The following WWOX variants were observed in gnomAD, a reference collection of about 807,000 sequenced individuals.
The protein encoded by WWOX is WW domain-containing oxidoreductase.
A neutral mutation model predicts 46.2 loss-of-function variants in WWOX; 69 were observed. That is an observed-to-expected ratio of 1.49 (90% CI 1.23 to 1.82). WWOX has a LOEUF of 1.82. Among genes scored for constraint, WWOX ranks in the 40% most tolerant of loss-of-function variants. The pLI, the probability that WWOX is intolerant of heterozygous loss-of-function variation, is 0.00. For missense variants in WWOX, 919 were observed against 542.6 expected (o/e 1.69, Z -6.89); for synonymous variants, 359 against 202.6 (o/e 1.77, Z -6.56).
intron 8 of WWOX, among the ~76,000 whole-genome samples, chr16:78,812,526 A>C (rs1281269561): frequency 3.3e-5 from 5 of 152,102 alleles, no homozygotes; most frequent in African/African-American, 1.2e-4. Context: ...GTTCGAGACC[A>C]GCCTGGCCAA....
chr16:78,870,463 T>C (rs1252500045), intron 8 of WWOX, among the ~76,000 whole-genome samples: 1 of 152,068 alleles, frequency 6.6e-6, no homozygotes, highest in Admixed American at 6.5e-5. Context: ...TGATACAATG[T>C]CTTGATTCAA....
intron 5 of WWOX, among the ~76,000 whole-genome samples, chr16:78,171,555 A>G (rs2035161674): frequency 6.6e-6 from 1 of 152,092 alleles, no homozygotes. Flanking sequence ...GGAAAAGATG[A>G]TCATTCGTCA....
intron 8 of WWOX, among the ~76,000 whole-genome samples, chr16:79,095,439 G>C (rs77179251): frequency 0.08 from 12,120 of 152,246 alleles, 583 homozygotes; most frequent in Middle Eastern, 0.11. Flanking sequence ...TGGAAGGTCA[G>C]AGAGCCAGGC....
intron 5 of WWOX, among the ~76,000 whole-genome samples, chr16:78,210,765 T>C (rs2036535371): frequency 6.6e-6 from 1 of 152,244 alleles, no homozygotes; most frequent in Admixed American, 6.5e-5. Flanking sequence ...TCATCTCTAA[T>C]ATCCATTTAA....
At chr16:78,567,033 T>C (rs1567649377) in intron 8 of WWOX, among the ~76,000 whole-genome samples, 1 of 142,494 alleles carries the variant, frequency 7.0e-6, no homozygotes, top group Non-Finnish European at 1.5e-5. Context: ...GCTGAAGTCA[T>C]ACATTCATTA....
At chr16:78,918,385 TC>T (rs1478634299) in intron 8 of WWOX, among the ~76,000 whole-genome samples, 3 of 152,190 alleles carry the variant, frequency 2.0e-5, no homozygotes, top group African/African-American at 7.2e-5. Context: ...GAAACCTCTC[TC>T]CTTTCCAGGC....
chr16:78,913,293 C>T (rs964057427), intron 8 of WWOX, among the ~76,000 whole-genome samples: 7 of 151,922 alleles, frequency 4.6e-5, no homozygotes, highest in African/African-American at 1.7e-4. Flanking sequence ...CGTTTTTTGC[C>T]TCTTCCTGGT....
intron 8 of WWOX, among the ~76,000 whole-genome samples, chr16:79,112,740 G>T (rs1463030606): frequency 6.6e-6 from 1 of 152,180 alleles, no homozygotes; most frequent in South Asian, 2.1e-4. Context: ...TAGAGTCGTA[G>T]AATTTTAGAG....
chr16:78,997,679 C>T (rs887776725), intron 8 of WWOX, among the ~76,000 whole-genome samples: 2 of 152,144 alleles, frequency 1.3e-5, no homozygotes, highest in African/African-American at 4.8e-5. Context: ...CTCTCCTCCC[C>T]TCCCTTCCTT....
At chr16:78,867,871 A>G (rs1235788729) in intron 8 of WWOX, among the ~76,000 whole-genome samples, 1 of 152,194 alleles carries the variant, frequency 6.6e-6, no homozygotes, top group East Asian at 1.9e-4. Flanking sequence ...AGCTCTAACC[A>G]GAAAGATTTA....
At chr16:78,824,751 T>A (rs2051602189) in intron 8 of WWOX, among the ~76,000 whole-genome samples, 1 of 152,256 alleles carries the variant, frequency 6.6e-6, no homozygotes, top group South Asian at 2.1e-4. Flanking sequence ...CCCACATGAT[T>A]GAGTTACCTC....
chr16:78,544,341 G>C (rs1371762875), intron 8 of WWOX, among the ~76,000 whole-genome samples: 1 of 152,126 alleles, frequency 6.6e-6, no homozygotes, highest in Non-Finnish European at 1.5e-5. Flanking sequence ...CATTTATTGA[G>C]AGCACTCTTC....
intron 8 of WWOX, among the ~76,000 whole-genome samples, chr16:78,674,948 C>G (rs181204705): frequency 6.6e-6 from 1 of 151,878 alleles, no homozygotes; most frequent in Non-Finnish European, 1.5e-5. Flanking sequence ...AAGTTGTCTA[C>G]CCTTATTATC....
intron 8 of WWOX, among the ~76,000 whole-genome samples, chr16:79,198,209 G>C (rs1474763996): frequency 1.3e-5 from 2 of 151,986 alleles, no homozygotes; most frequent in Non-Finnish European, 2.9e-5. Flanking sequence ...ATGGTGGCAT[G>C]TGCCTGCAAT....
chr16:78,356,881 C>A (rs1420210061), intron 5 of WWOX, among the ~76,000 whole-genome samples: 1 of 151,916 alleles, frequency 6.6e-6, no homozygotes, highest in Non-Finnish European at 1.5e-5. Context: ...GACTCCATCT[C>A]AAAAAACAAA....
chr16:78,598,368 A>G (rs2045539661), intron 8 of WWOX, among the ~76,000 whole-genome samples: 1 of 152,224 alleles, frequency 6.6e-6, no homozygotes, highest in East Asian at 1.9e-4. Context: ...TGGAAAGCTC[A>G]TGTAGACTGG....
intron 8 of WWOX, among the ~76,000 whole-genome samples, chr16:78,823,286 G>T (rs1051574347): frequency 6.6e-6 from 1 of 152,204 alleles, no homozygotes; most frequent in Non-Finnish European, 1.5e-5. Context: ...GGCGGCTGGC[G>T]GGTTGGGGGC....
At chr16:78,670,385 G>C (rs1001912948) in intron 8 of WWOX, among the ~76,000 whole-genome samples, 1 of 152,196 alleles carries the variant, frequency 6.6e-6, no homozygotes, top group African/African-American at 2.4e-5. Context: ...TGCAGGAAAA[G>C]CATTATGAGC....
In WWOX at chr16:78,922,130, G is replaced by A. The variant is rs190080085; in HGVS notation, c.1057-289478G>A. 7.9e-4 allele frequency among the ~76,000 whole-genome samples: 121 copies of A among 152,252 alleles called. 1 individual carries two copies. Among genetic ancestry groups the A allele is most frequent in the East Asian group, 1.9e-3 (10 of 5,168 alleles). ...AGAGTATTTATTGGGTCTTCGTTGCGTAGGTGTGATTGGGTGATTGCCCAC... is the reference window on the plus strand; with the variant it reads ...AGAGTATTTATTGGGTCTTCGTTGCATAGGTGTGATTGGGTGATTGCCCAC... On this transcript the variant is annotated intron_variant, in intron 8 of 8. Transcript: ENST00000566780.
Sources: allele counts gnomAD v4.1 joint callset (sites outside exome capture counted in the v4.1 genomes callset), GRCh38; gene constraint gnomAD v4.1.1; transcripts MANE v1.5; gene names NCBI Gene and HGNC (gene_info 2026-07-23, HGNC 2026-07-21).